Variants in RANBP2 observed in about 807,000 individuals in gnomAD.
RANBP2 encodes E3 SUMO-protein ligase RanBP2.
In RANBP2, 57 loss-of-function variants were observed where a neutral mutation model predicts 303.6. The observed-to-expected ratio is 0.19, with a 90% CI of 0.15 to 0.23. The LOEUF (loss-of-function observed/expected upper bound fraction) is 0.23. Ranked by LOEUF, RANBP2 falls within the 10% of genes least tolerant of loss-of-function variation. The probability of loss-of-function intolerance (pLI) is 1.00; values close to 1 mark genes in which losing one functional copy is unlikely to be tolerated. For missense variants in RANBP2, 3,138 were observed against 3,780.8 expected (o/e 0.83, Z 4.46); for synonymous variants, 1,167 against 1,301.5 (o/e 0.90, Z 2.23).
chr2:109,162,401 T>G, the RANBP2 span, among the ~76,000 whole-genome samples: 2 of 152,092 alleles, frequency 1.3e-5, no homozygotes, highest in Non-Finnish European at 2.9e-5. Context: ...TTTTTTAAAT[T>G]TATTTATTTA....
chr2:109,215,139 C>T, the RANBP2 span, among the ~76,000 whole-genome samples: 4 of 152,296 alleles, frequency 2.6e-5, no homozygotes, highest in African/African-American at 9.6e-5. Context: ...TAAGCATCTA[C>T]GTGTCTTTCT....
At chr2:108,840,105 A>G in the RANBP2 span, among the ~76,000 whole-genome samples, 1 of 152,042 alleles carries the variant, frequency 6.6e-6, no homozygotes, top group South Asian at 2.1e-4. Context: ...TTCTGCATTG[A>G]TTGATACATG....
chr2:108,756,262 G>T (rs1020132403), intron 17 of RANBP2, among the ~76,000 whole-genome samples: 6 of 152,154 alleles, frequency 3.9e-5, no homozygotes, highest in Admixed American at 1.3e-4. Context: ...AAAGTGGTCT[G>T]AGCTTCAAAA....
At chr2:109,497,679 C>T in the RANBP2 span, among the ~76,000 whole-genome samples, 1 of 152,186 alleles carries the variant, frequency 6.6e-6, no homozygotes, top group African/African-American at 2.4e-5. Context: ...AAGAACAGCT[C>T]AGAGTCTTGG....
At chr2:109,249,964 G>C in the RANBP2 span, among the ~76,000 whole-genome samples, 1 of 151,840 alleles carries the variant, frequency 6.6e-6, no homozygotes, top group Non-Finnish European at 1.5e-5. Flanking sequence ...GATTACAGGC[G>C]TGAGCCACCG....
chr2:109,198,873 G>A, the RANBP2 span, among the ~76,000 whole-genome samples: 1 of 152,192 alleles, frequency 6.6e-6, no homozygotes, highest in Non-Finnish European at 1.5e-5. Context: ...ACTGAACACC[G>A]TAGGCAGTTG....
chr2:109,342,647 C>T, the RANBP2 span, among the ~76,000 whole-genome samples: 1 of 152,236 alleles, frequency 6.6e-6, no homozygotes, highest in Admixed American at 6.5e-5. Flanking sequence ...ACTCTGGCAC[C>T]CGCCCTTACT....
chr2:109,611,991 A>G, the RANBP2 span, among the ~76,000 whole-genome samples: 139,141 of 152,210 alleles, frequency 0.91, 63,750 homozygotes, highest in Middle Eastern at 0.97. Context: ...ATCTATCCCA[A>G]AGAACTGAAG....
the RANBP2 span, among the ~76,000 whole-genome samples, chr2:109,093,399 A>G: frequency 6.9e-6 from 1 of 144,350 alleles, no homozygotes; most frequent in Non-Finnish European, 1.5e-5. Context: ...ACGTTTGCGG[A>G]GATTTGTAAA....
the RANBP2 span, among the ~76,000 whole-genome samples, chr2:109,730,023 G>A: frequency 6.6e-6 from 1 of 152,090 alleles, no homozygotes; most frequent in Non-Finnish European, 1.5e-5. Context: ...ACGGCATGGG[G>A]GAACCGCCCC....
the RANBP2 span, among the ~76,000 whole-genome samples, chr2:109,709,306 CAAAAATAAAATAAAA>C: frequency 0.019 from 823 of 42,410 alleles, 10 homozygotes; most frequent in African/African-American, 0.039. Context: ...AACTGTGTCT[CAAAAATAAAATAAAA>C]TAAAATAAAA....
At chr2:109,716,912 T>C in the RANBP2 span, among the ~76,000 whole-genome samples, 18 of 152,306 alleles carry the variant, frequency 1.2e-4, no homozygotes, top group African/African-American at 4.3e-4. Context: ...TATTTAACCT[T>C]TTATCTGCAG....
At chr2:109,482,592 A>C in the RANBP2 span, among the ~76,000 whole-genome samples, 1 of 152,152 alleles carries the variant, frequency 6.6e-6, no homozygotes, top group African/African-American at 2.4e-5. Flanking sequence ...ATGACCCCTA[A>C]GAGGGGGAGA....
At chr2:109,538,058 G>A in the RANBP2 span, among the ~76,000 whole-genome samples, 1 of 152,194 alleles carries the variant, frequency 6.6e-6, no homozygotes, top group South Asian at 2.1e-4. Context: ...AAGTCCAGTT[G>A]TCAGCAGGGC....
the RANBP2 span, among the ~76,000 whole-genome samples, chr2:108,800,608 CTTTTTTTT>C: frequency 2.7e-4 from 9 of 33,492 alleles, no homozygotes; most frequent in South Asian, 1.7e-3. Flanking sequence ...CTCAGTTTAG[CTTTTTTTT>C]TTTTTTTTTT....
the RANBP2 span, among the ~76,000 whole-genome samples, chr2:108,852,542 A>G: frequency 6.6e-6 from 1 of 152,388 alleles, no homozygotes; most frequent in South Asian, 2.1e-4. Context: ...AAAATGTGGT[A>G]CATATACACT....
At chr2:109,297,166 G>A in the RANBP2 span, among the ~76,000 whole-genome samples, 1 of 152,014 alleles carries the variant, frequency 6.6e-6, no homozygotes, top group Non-Finnish European at 1.5e-5. Flanking sequence ...GGACAGCAGA[G>A]AGAGCAGGGC....
At chr2:108,797,768 A>C in the RANBP2 span, among the ~76,000 whole-genome samples, 1 of 152,202 alleles carries the variant, frequency 6.6e-6, no homozygotes, top group Non-Finnish European at 1.5e-5. Flanking sequence ...AGACCAGGCT[A>C]TTCACAAAGA....
chr2:109,226,496 A>T, the RANBP2 span, among the ~76,000 whole-genome samples: 1 of 152,204 alleles, frequency 6.6e-6, no homozygotes, highest in Non-Finnish European at 1.5e-5. Context: ...ACATAAACCA[A>T]AAATAAACTG....
Sources: allele counts gnomAD v4.1 joint callset (sites outside exome capture counted in the v4.1 genomes callset), GRCh38; gene constraint gnomAD v4.1.1; transcripts MANE v1.5; gene names NCBI Gene and HGNC (gene_info 2026-07-23, HGNC 2026-07-21).